Variants in ARL13B observed in about 807,000 individuals in gnomAD.
ARL13B encodes ADP-ribosylation factor-like protein 13B.
In ARL13B, 36 loss-of-function variants were observed where a neutral mutation model predicts 56.1. The observed-to-expected ratio is 0.64, with a 90% CI of 0.49 to 0.85. The LOEUF (loss-of-function observed/expected upper bound fraction) is 0.85. Among genes scored for constraint, ARL13B ranks in the 40% least tolerant of loss-of-function variants. The pLI, the probability that ARL13B is intolerant of heterozygous loss-of-function variation, is 0.00. For missense variants in ARL13B, 519 were observed against 507.1 expected, an observed-to-expected ratio of 1.02 and a Z score of -0.23; for synonymous variants, 178 against 171.1, an observed-to-expected ratio of 1.04 and a Z score of -0.32.
rs1280884578 is a variant in ARL13B at position 94,043,171 on chromosome 3, A to ATAAT, written c.955_956insTAAT (p.Asn319IlefsTer4). ...AAATAATGAATTTGGACTAGTAGAA[A>ATAAT]ATTATAAGGAGGCATTAACACAGCA... On this transcript the variant is annotated frameshift_variant, in exon 7 of 10. Transcript: ENST00000394222. LOFTEE classifies it high-confidence loss of function. The ATAAT allele has an allele frequency of 1.2e-6, 2 of 1,613,592 alleles. No homozygotes were observed. The highest frequency in any genetic ancestry group is 1.3e-5 in the African/African-American group (1 of 74,916).
At chr3:94,028,659 G>A (rs974714653) in intron 3 of ARL13B, 2 of 152,198 alleles carry the variant, frequency 1.3e-5, no homozygotes, top group African/African-American at 2.4e-5. Flanking sequence ...TAGATTAAAG[G>A]AAGATCATTT....
intron 2 of ARL13B, among the ~76,000 whole-genome samples, chr3:94,000,772 G>T (rs755795352): frequency 2.0e-5 from 3 of 151,986 alleles, no homozygotes; most frequent in Non-Finnish European, 2.9e-5. Flanking sequence ...TTTATTGATT[G>T]TATATTTGCA....
At chr3:93,988,760 A>G (rs1247422638) in intron 1 of ARL13B, 2 of 400,146 alleles carry the variant, frequency 5.0e-6, no homozygotes, top group African/African-American at 2.3e-5. Flanking sequence ...TGTTTTCCCT[A>G]TGCTCCCCTT....
chr3:94,020,914 A>C (rs1256100711), intron 3 of ARL13B, among the ~76,000 whole-genome samples: 3 of 152,250 alleles, frequency 2.0e-5, no homozygotes, highest in African/African-American at 7.2e-5. Flanking sequence ...CTAAGCTGGA[A>C]GGAGATTCCA....
intron 1 of ARL13B, among the ~76,000 whole-genome samples, chr3:93,983,678 A>G (rs1456665944): frequency 1.3e-5 from 2 of 151,860 alleles, no homozygotes; most frequent in Non-Finnish European, 2.9e-5. Context: ...TGTTTTTATT[A>G]CTAGGAAGAT....
intron 2 of ARL13B, among the ~76,000 whole-genome samples, chr3:94,002,637 T>C (rs552248381): frequency 6.6e-6 from 1 of 152,328 alleles, no homozygotes; most frequent in South Asian, 2.1e-4. Flanking sequence ...TTCTCTTTTC[T>C]ATTCCTTTAT....
Position 94,036,649 on chromosome 3 carries a change from A to T in ARL13B, c.584A>T (p.Asp195Val). 1 of 1,614,162 alleles carries T rather than the reference A, an allele frequency of 6.2e-7. No homozygotes were observed. Among genetic ancestry groups the T allele is most frequent in the African/African-American group, 1.3e-5 (1 of 75,048 alleles). The change falls in exon 5 of 10, where the codon GAT (aspartate) becomes GTT (valine). Residue 195 changes from aspartate (D) to valine (V), a missense_variant. Asp to Val is a radical substitution (Grantham distance 152). Coordinates refer to ENST00000394222, the MANE Select transcript of ARL13B (RefSeq NM_001174150.2). ...CTACATGTTATTGCAAGAGACTTTG[A>T]TGCCTTAAATGAACGCATCCAAAAA... ...WLLHVIARDF[D>V]ALNERIQKET...
chr3:94,035,413 G>A lies in ARL13B; in HGVS notation c.463G>A (p.Glu155Lys). Residue 155 changes from glutamate (E) to lysine (K), a missense_variant, in exon 4 of 10, where the codon GAG becomes AAG. Glu to Lys is a moderately conservative substitution (Grantham distance 56). Transcript: ENST00000394222. ...ECLSLEKLVN[E>K]HKCLCQIEPC... ...TCTATCTCTGGAAAAATTGGTCAAT[G>A]AGCACAAGTGCCTGTGTCAGATAGT... is the stretch of plus-strand genomic sequence containing the variant. The A allele has an allele frequency of 6.2e-7, 1 of 1,601,294 alleles. No individual in the cohort carries two copies. Among genetic ancestry groups the A allele is most frequent in the Non-Finnish European group, 8.5e-7 (1 of 1,175,270 alleles).
chr3:94,013,408 T>TATAGC (rs1464507781), intron 3 of ARL13B, among the ~76,000 whole-genome samples: 1 of 152,232 alleles, frequency 6.6e-6, no homozygotes, highest in Non-Finnish European at 1.5e-5. Flanking sequence ...TATAGTATAG[T>TATAGC]ATAGCATTAT....
chr3:93,980,369 G>C lies in ARL13B; in HGVS notation c.-55G>C, dbSNP rs539526204. ...GCCGGAGGCCCCCGGGGAAGAGCGG[G>C]GTGCCGGTGTCCGCTCCGGGCTCGG... On this transcript the variant is annotated 5_prime_UTR_variant, in exon 1 of 10. Coordinates refer to ENST00000394222, the MANE Select transcript of ARL13B (RefSeq NM_001174150.2). The C allele has an allele frequency of 6.2e-7, 1 of 1,601,572 alleles. No individual in the cohort carries two copies. The highest frequency in any genetic ancestry group is 1.7e-5 in the Admixed American group (1 of 60,024).
chr3:94,010,061 T>G (rs2076198686), intron 3 of ARL13B, among the ~76,000 whole-genome samples: 1 of 152,106 alleles, frequency 6.6e-6, no homozygotes, highest in Non-Finnish European at 1.5e-5. Flanking sequence ...CCAGATATAC[T>G]TTGGGCTTTT....
rs1482736093 is a variant in ARL13B, at chr3:94,054,314, A to C, written c.*1051A>C. 4.6e-6 allele frequency: 2 copies of C among 434,416 alleles called. No individual in the cohort carries two copies. Among genetic ancestry groups the C allele is most frequent in the Admixed American group, 2.5e-5 (1 of 40,144 alleles). 26.9% of individuals were successfully genotyped at this position (434,416 alleles called of 1,614,324 possible). ...GTAATGAGAATAAAAATGTTGGCCC[A>C]AAATTACTTTTATAAATAAATAATT... On this transcript the variant is annotated 3_prime_UTR_variant, in exon 10 of 10. Transcript: ENST00000394222.
chr3:94,007,690 C>G (rs2076157450), intron 3 of ARL13B, among the ~76,000 whole-genome samples: 1 of 152,022 alleles, frequency 6.6e-6, no homozygotes, highest in South Asian at 2.1e-4. Context: ...CCACCAGGTC[C>G]CTCCCACAAC....
At chr3:94,039,836 C>T in intron 5 of ARL13B, 44 bp from the exon 6 acceptor site, 1 of 1,555,432 alleles carries the variant, frequency 6.4e-7, no homozygotes. Flanking sequence ...CATGGTTCAG[C>T]ACTTTCTCAA....
chr3:94,010,909 G>T (rs770006344), intron 3 of ARL13B, among the ~76,000 whole-genome samples: 28 of 151,928 alleles, frequency 1.8e-4, no homozygotes, highest in Non-Finnish European at 3.8e-4. Flanking sequence ...TTACAAACAG[G>T]TATCACTAAG....
intron 3 of ARL13B, among the ~76,000 whole-genome samples, chr3:94,026,876 A>C (rs2076568589): frequency 6.6e-6 from 1 of 152,170 alleles, no homozygotes; most frequent in Admixed American, 6.5e-5. Context: ...AAGAAAGAAC[A>C]CTAACTCGTA....
chr3:94,029,327 TA>T (rs1559997612), intron 3 of ARL13B, among the ~76,000 whole-genome samples: 2,259 of 101,852 alleles, frequency 0.022, 129 homozygotes, highest in African/African-American at 0.1. Flanking sequence ...TATATATATA[TA>T]TATATATTTA....
At position 93,995,159 on chromosome 3, in the gene ARL13B, A is replaced by G. The variant is rs904429500; in HGVS notation, c.60-715A>G. On this transcript the variant is annotated intron_variant, in intron 1 of 9. Coordinates refer to ENST00000394222, the MANE Select transcript of ARL13B (RefSeq NM_001174150.2). ...CCAAGTTAACAGGACTAGGACCAGT[A>G]TAATAGGTTTGTTCCTTTATACCTG... 2.0e-5 allele frequency among the ~76,000 whole-genome samples: 3 copies of G among 152,174 alleles called. No homozygotes were observed. The East Asian group carries it at 5.8e-4, about 29-fold the overall frequency.
intron 3 of ARL13B, among the ~76,000 whole-genome samples, chr3:94,007,318 A>C (rs534111181): frequency 7.5e-4 from 114 of 152,342 alleles, no homozygotes; most frequent in African/African-American, 2.7e-3. Context: ...GTGGATGACC[A>C]CAGTAGCAGG....
Sources: gnomAD v4.1 joint callset for allele counts (sites outside exome capture counted in the v4.1 genomes callset) on GRCh38, gnomAD v4.1.1 for gene constraint, MANE v1.5 for transcripts, NCBI Gene and HGNC (gene_info 2026-07-23, HGNC 2026-07-21) for gene names.